Variants in KLK6 observed in about 807,000 individuals in gnomAD.
The protein encoded by KLK6 is kallikrein related peptidase 6.
A neutral mutation model predicts 21.7 loss-of-function variants in KLK6; 16 were observed. The ratio of observed to expected loss-of-function variants is 0.74; its 90% CI spans 0.50 to 1.12. The LOEUF (loss-of-function observed/expected upper bound fraction) is 1.12. Among genes scored for constraint, KLK6 ranks in the 50% most tolerant of loss-of-function variants. KLK6 has a pLI of 0.00. For synonymous variants in KLK6, 116 were observed against 120.1 expected (o/e 0.97, Z 0.22); for missense variants, 276 against 304.6 (o/e 0.91, Z 0.70).
chr19:50,958,897 G>C lies in KLK6; in HGVS notation c.*267C>G. 1 of 463,496 alleles carries C rather than the reference G, an allele frequency of 2.2e-6. No homozygotes were observed. Among genetic ancestry groups the C allele is most frequent in the Non-Finnish European group, 3.9e-6 (1 of 257,078 alleles). The allele number at this position is 463,496 out of a possible 1,614,324, so 28.7% of individuals were successfully genotyped here. A position where few individuals can be genotyped will look rare whatever the true frequency, so the allele number is the denominator to read the frequency against. ...AAACGTGTGGAAGGGTTGGGGAGAG[G>C]AGATGCCTAGAAGGGATTTTCCTGT... is the stretch of plus-strand genomic sequence containing the variant. On this transcript the variant is annotated 3_prime_UTR_variant, in exon 7 of 7. Transcript: ENST00000310157.
Position 50,959,152 on chromosome 19 carries a change from C to T in KLK6, c.*12G>A, listed in dbSNP as rs1315759602. The T allele has an allele frequency of 4.3e-6, 7 of 1,613,868 alleles. No individual in the cohort carries two copies. Among genetic ancestry groups the T allele is most frequent in the African/African-American group, 1.3e-5 (1 of 74,870 alleles). ...GGGTGGTAGGTCGGGAGGTAGATGTCACATGTCAGGGTCACTTGGCCTGAA... is the reference window on the plus strand; with the variant it reads ...GGGTGGTAGGTCGGGAGGTAGATGTTACATGTCAGGGTCACTTGGCCTGAA... On this transcript the variant is annotated 3_prime_UTR_variant, in exon 7 of 7. Transcript: ENST00000310157.
At chr19:50,959,349 T>C in intron 6 of KLK6, 33 bp from the exon 7 acceptor site, 7 of 1,545,068 alleles carry the variant, frequency 4.5e-6, no homozygotes, top group East Asian at 2.3e-5. Context: ...CAGATACAGA[T>C]AGAAACCCAG....
chr19:50,959,297 A>G lies in KLK6; in HGVS notation c.602T>C (p.Leu201Pro). 1.2e-6 allele frequency: 2 copies of G among 1,613,628 alleles called. No individual in the cohort carries two copies. Among genetic ancestry groups the G allele is most frequent in the Non-Finnish European group, 1.7e-6 (2 of 1,179,912 alleles). ...GCCTCGGAGGTGGTCTCCACATACC[A>G]GCGGACCCCCAGAATCACCCTGCAG... The part of the protein sequence containing the change: ...DSCQGDSGGP[L>P]VCGDHLRGLV... Residue 201 changes from leucine (L) to proline (P), a missense_variant, in exon 7 of 7, where the codon CTG becomes CCG. Transcript: ENST00000310157.
At position 50,961,747 on chromosome 19, in the gene KLK6, G is replaced by T; in HGVS notation, c.579C>A (p.Cys193Ter). ...AGDEKYGKDS[C>*]QGDSGGPLVC... ...TGGCAGATCCGGGTCACCTCACCTG[G>T]CAGGAATCCTTCCCGTACTTCTCAT... The change falls in exon 6 of 7, where the codon TGC becomes TGA. Residue 193 changes from cysteine to a stop codon, truncating the protein, a stop_gained. Transcript: ENST00000310157. LOFTEE classifies it low-confidence loss of function (END_TRUNC). 6.2e-7 allele frequency: 1 copy of T among 1,613,266 alleles called. No homozygotes were observed. The highest frequency in any genetic ancestry group is 8.5e-7 in the Non-Finnish European group (1 of 1,179,584).
intron 6 of KLK6, 137 bp from the exon 7 acceptor site, chr19:50,959,453 T>C (rs2090771173): frequency 1.4e-6 from 1 of 730,598 alleles, no homozygotes; most frequent in Non-Finnish European, 2.2e-6. Context: ...TACTGAAAGA[T>C]GGAGAGAAAG....
chr19:50,965,215 G>A (rs955451451), intron 4 of KLK6, among the ~76,000 whole-genome samples: 38 of 151,342 alleles, frequency 2.5e-4, no homozygotes, highest in Non-Finnish European at 1.3e-4. Context: ...TGATCCACCC[G>A]CCTCGGCCTC....
chr19:50,960,832 C>T (rs1314481795), intron 6 of KLK6, among the ~76,000 whole-genome samples: 2 of 152,050 alleles, frequency 1.3e-5, no homozygotes, highest in African/African-American at 2.4e-5. Context: ...AGCATGATCT[C>T]GACTCACTGC....
intron 4 of KLK6, 81 bp downstream of exon 4, chr19:50,967,088 C>T (rs2122164541): frequency 6.6e-7 from 1 of 1,510,860 alleles, no homozygotes; most frequent in Middle Eastern, 1.8e-4. Flanking sequence ...GGGGGGATGC[C>T]TATGTCACCT....
intron 2 of KLK6, 30 bp from the exon 3 acceptor site, chr19:50,968,142 T>C (rs745738448): frequency 5.0e-6 from 8 of 1,604,816 alleles, no homozygotes; most frequent in Non-Finnish European, 6.8e-6. Flanking sequence ...GGTCCATTAG[T>C]CACTGCCTCG....
At chr19:50,965,169 C>T (rs2090904897) in intron 4 of KLK6, among the ~76,000 whole-genome samples, 1 of 152,082 alleles carries the variant, frequency 6.6e-6, no homozygotes, top group African/African-American at 2.4e-5. Context: ...TTCTGTAGAT[C>T]ACAGCTCACT....
At chr19:50,963,223 A>T in intron 5 of KLK6, 79 bp downstream of exon 5, 1 of 1,547,588 alleles carries the variant, frequency 6.5e-7, no homozygotes, top group Non-Finnish European at 8.7e-7. Context: ...GCCCCTCACC[A>T]ATTTTCCCAC....
chr19:50,959,122 C>T lies in KLK6; in HGVS notation c.*42G>A. 6.2e-7 allele frequency: 1 copy of T among 1,611,952 alleles called. No individual in the cohort carries two copies. The highest frequency in any genetic ancestry group is 1.1e-5 in the South Asian group (1 of 90,834). On this transcript the variant is annotated 3_prime_UTR_variant, in exon 7 of 7. Coordinates refer to ENST00000310157, the MANE Select transcript of KLK6 (RefSeq NM_002774.4). Reference sequence around the variant, plus strand: ...AGGTGAGAGACGTTCTGGAACCAGCCAGTGGGGTGGTAGGTCGGGAGGTAG... The same window carrying T: ...AGGTGAGAGACGTTCTGGAACCAGCTAGTGGGGTGGTAGGTCGGGAGGTAG...
chr19:50,963,325 A>G lies in KLK6; in HGVS notation c.422T>C (p.Leu141Pro). 1 of 1,613,918 alleles carries G rather than the reference A, an allele frequency of 6.2e-7. No individual in the cohort carries two copies. The highest frequency in any genetic ancestry group is 1.1e-5 in the South Asian group (1 of 91,078). ...ACCATCTGCTGTCTTGCCCCAGCCCAGGATGTGGCAGCTGGTGGTGTTGGC... is the reference window on the plus strand; with the variant it reads ...ACCATCTGCTGTCTTGCCCCAGCCCGGGATGTGGCAGCTGGTGGTGTTGGC... ...CSANTTSCHILGWGKTADGDF... is the reference protein window; with the variant it reads ...CSANTTSCHIPGWGKTADGDF... Residue 141 changes from leucine to proline, a missense_variant, in exon 5 of 7, where the codon CTG becomes CCG. Transcript: ENST00000310157.
At chr19:50,969,173 C>T (rs1379390421) in intron 1 of KLK6, among the ~76,000 whole-genome samples, 3 of 147,368 alleles carry the variant, frequency 2.0e-5, no homozygotes, top group African/African-American at 7.6e-5. Context: ...GAGGTGGGAA[C>T]TTGGACTCCT....
chr19:50,969,445 G>A (rs2090980113), intron 1 of KLK6, 45 bp downstream of exon 1: 1 of 152,418 alleles, frequency 6.6e-6, no homozygotes, highest in Non-Finnish European at 1.5e-5. Context: ...CCGGCACTGG[G>A]AAGCAGCCTG....
intron 2 of KLK6, 82 bp downstream of exon 2, chr19:50,968,459 A>C (rs990268788): frequency 2.9e-5 from 10 of 343,640 alleles, no homozygotes; most frequent in African/African-American, 1.3e-4. Context: ...TCTGTATGGG[A>C]GTTTTCCTCG....
At chr19:50,967,548 CACAAAT>C (rs1211566799) in intron 3 of KLK6, among the ~76,000 whole-genome samples, 15 of 151,192 alleles carry the variant, frequency 9.9e-5, no homozygotes, top group Non-Finnish European at 1.8e-4. Flanking sequence ...CACACACACA[CACAAAT>C]TAGCAGGGTA....
At position 50,968,073 on chromosome 19, in the gene KLK6, A is replaced by G. The variant is rs147992404; in HGVS notation, c.32T>C (p.Ile11Thr). The G allele has an allele frequency of 1.3e-3, 2,082 of 1,613,860 alleles. 1 individual carries two copies. The highest frequency in any genetic ancestry group is 1.7e-3 in the Non-Finnish European group (1,971 of 1,179,942). The change falls in exon 3 of 7, where the codon ATT (isoleucine) becomes ACT (threonine). Residue 11 changes from isoleucine to threonine, a missense_variant. Coordinates refer to ENST00000310157, the MANE Select transcript of KLK6 (RefSeq NM_002774.4). ...AAATGCCCTTTCCCCACCTGCAGCA[A>G]TCAGACTCAGCACCACCATCAGCTT... The part of the protein sequence containing the change: MKKLMVVLSL[I>T]AAAWAEEQNK...
chr19:50,968,163 C>A (rs1421761238), intron 2 of KLK6, 51 bp from the exon 3 acceptor site: 7 of 1,529,674 alleles, frequency 4.6e-6, no homozygotes, highest in Admixed American at 3.3e-5. Context: ...ACCCTCCCCC[C>A]ATCCCTCTGT....
Sources: allele counts gnomAD v4.1 joint callset (sites outside exome capture counted in the v4.1 genomes callset), GRCh38; gene constraint gnomAD v4.1.1; transcripts MANE v1.5; gene names NCBI Gene and HGNC (gene_info 2026-07-23, HGNC 2026-07-21).